Variants in ANO5 observed in about 807,000 individuals in gnomAD.
ANO5 encodes the protein anoctamin-5.
In ANO5, 109 loss-of-function variants were observed where a neutral mutation model predicts 121.0. The observed-to-expected ratio is 0.90, with a 90% CI of 0.77 to 1.06. The LOEUF (loss-of-function observed/expected upper bound fraction) is 1.06, where lower values mean the gene tolerates loss of function less well. Ranked by LOEUF, ANO5 falls within the 50% of genes least tolerant of loss-of-function variation. The pLI is 0.00. For missense variants in ANO5, 1,064 were observed against 1,078.5 expected (o/e 0.99, Z 0.19); for synonymous variants, 406 against 359.9 (o/e 1.13, Z -1.45).
chr11:22,213,407 T>C, intron 3 of ANO5, among the ~76,000 whole-genome samples: 1 of 151,856 alleles, frequency 6.6e-6, no homozygotes, highest in Non-Finnish European at 1.5e-5. Flanking sequence ...TGGTCAGGTA[T>C]TTTGTAGAAT....
At chr11:22,220,769 C>T (rs1852614477) in intron 4 of ANO5, among the ~76,000 whole-genome samples, 1 of 151,888 alleles carries the variant, frequency 6.6e-6, no homozygotes, top group Non-Finnish European at 1.5e-5. Context: ...ATTTAGTGGA[C>T]TAAGTGATAT....
intron 17 of ANO5, among the ~76,000 whole-genome samples, chr11:22,270,011 T>C (rs767170354): frequency 2.6e-5 from 4 of 152,232 alleles, no homozygotes; most frequent in African/African-American, 4.8e-5. Context: ...GTCTTAGTGG[T>C]AACTCTCTCC....
chr11:22,271,034 T>C (rs1022098999), intron 18 of ANO5, among the ~76,000 whole-genome samples: 2 of 151,096 alleles, frequency 1.3e-5, no homozygotes, highest in Non-Finnish European at 3.0e-5. Context: ...CTCAAGCAAC[T>C]TTCTCTGTTT....
rs1852098321 is a variant in ANO5 at position 22,205,719 on chromosome 11, C to T, written c.87+1869C>T. Among the ~76,000 whole-genome samples, 3 of 152,008 alleles carry T rather than the reference C, an allele frequency of 2.0e-5. No individual in the cohort carries two copies. The South Asian group carries it at 6.2e-4, about 32-fold the overall frequency. On this transcript the variant is annotated intron_variant, in intron 2 of 21. Transcript: ENST00000324559. ...TACATAAAATTGACAAACCTTTAGC[C>T]AGACTGGCAGAAAGGGAGTTGCGCT...
At chr11:22,237,082 G>T (rs1853247699) in intron 8 of ANO5, among the ~76,000 whole-genome samples, 2 of 152,254 alleles carry the variant, frequency 1.3e-5, no homozygotes, top group South Asian at 4.1e-4. Flanking sequence ...TCCTGGGGCT[G>T]AATGTGTACA....
In ANO5 at chr11:22,241,233, A is replaced by G. The variant is rs994127390; in HGVS notation, c.878+1549A>G. 2.4e-3 allele frequency among the ~76,000 whole-genome samples: 16 copies of G among 6,554 alleles called. No individual in the cohort carries two copies. In the African/African-American group the frequency reaches 0.043, roughly 18 times the overall value. 4.3% of individuals were successfully genotyped at this position (6,554 alleles called of 152,430 possible). A position where few individuals can be genotyped will look rare whatever the true frequency, so the allele number is the denominator to read the frequency against. ...TCATCCTTATGTCTATGTGTATTCA[A>G]TATTTAGTTCCCACTTACAAGTGGT... On this transcript the variant is annotated intron_variant, in intron 9 of 21. Transcript: ENST00000324559.
intron 5 of ANO5, 102 bp downstream of exon 5, chr11:22,221,312 G>A: frequency 2.0e-6 from 2 of 1,022,342 alleles, no homozygotes; most frequent in African/African-American, 1.6e-5. Flanking sequence ...GAGAGGCCCT[G>A]AAGTGTTACT....
At chr11:22,269,606 C>A (rs1233471236) in intron 17 of ANO5, among the ~76,000 whole-genome samples, 1 of 151,244 alleles carries the variant, frequency 6.6e-6, no homozygotes. Context: ...AGAGTTTGCC[C>A]TAGGATTTTA....
chr11:22,218,428 T>TC, intron 4 of ANO5, 141 bp downstream of exon 4: 5 of 1,087,504 alleles, frequency 4.6e-6, no homozygotes, highest in Non-Finnish European at 6.9e-6. Context: ...AGTTTAAGAA[T>TC]AGTGATTCTT....
intron 21 of ANO5, among the ~76,000 whole-genome samples, chr11:22,276,632 C>A (rs1212764075): frequency 2.0e-5 from 3 of 151,664 alleles, no homozygotes; most frequent in Admixed American, 1.3e-4. Context: ...AACATTAGCG[C>A]TGAGTCTCAA....
chr11:22,225,187 GTGGTTC>G (rs1852782867), intron 5 of ANO5, among the ~76,000 whole-genome samples: 2 of 152,096 alleles, frequency 1.3e-5, no homozygotes, highest in African/African-American at 4.8e-5. Context: ...AGCTGGGTGG[GTGGTTC>G]ACACCTATAA....
Position 22,250,991 on chromosome 11 carries a change from C to G in ANO5, c.1160C>G (p.Ala387Gly). The change falls in exon 12 of 22, where the codon GCA becomes GGA. Residue 387 changes from alanine to glycine, a missense_variant. Coordinates refer to ENST00000324559, the MANE Select transcript of ANO5 (RefSeq NM_213599.3). The part of the protein sequence containing the change: ...LFDNESTVFF[A>G]IFMGIWVTLF... ...GATAATGAGTCAACAGTGTTCTTTG[C>G]AATATTCATGGGAATTTGGGGTGAG... The G allele has an allele frequency of 6.2e-7, 1 of 1,611,748 alleles. No homozygotes were observed. Among genetic ancestry groups the G allele is most frequent in the Non-Finnish European group, 8.5e-7 (1 of 1,179,296 alleles).
At chr11:22,269,147 G>A (rs1854482170) in intron 17 of ANO5, among the ~76,000 whole-genome samples, 1 of 147,986 alleles carries the variant, frequency 6.8e-6, no homozygotes, top group Non-Finnish European at 1.5e-5. Flanking sequence ...AAGGGAGAAA[G>A]GAAAGGAAAG....
chr11:22,208,851 T>A (rs936923962), intron 2 of ANO5, among the ~76,000 whole-genome samples: 3 of 151,988 alleles, frequency 2.0e-5, no homozygotes, highest in Non-Finnish European at 4.4e-5. Flanking sequence ...TTCACTTTCC[T>A]CAATGCTAAA....
intron 14 of ANO5, among the ~76,000 whole-genome samples, chr11:22,258,203 G>A (rs1854066996): frequency 6.6e-6 from 1 of 152,080 alleles, no homozygotes; most frequent in African/African-American, 2.4e-5. Flanking sequence ...CTTCTAAGAG[G>A]TTAGTTAGCA....
intron 3 of ANO5, among the ~76,000 whole-genome samples, chr11:22,215,890 G>T (rs961884230): frequency 1.3e-5 from 2 of 151,792 alleles, no homozygotes; most frequent in African/African-American, 4.8e-5. Context: ...GAATTTTACA[G>T]TATACACTAT....
intron 12 of ANO5, among the ~76,000 whole-genome samples, chr11:22,251,698 C>T (rs1853820886): frequency 6.6e-6 from 1 of 152,018 alleles, no homozygotes. Flanking sequence ...AGTTAAAAAA[C>T]ACCTCTAACA....
intron 7 of ANO5, among the ~76,000 whole-genome samples, chr11:22,230,762 A>G (rs1478583445): frequency 6.6e-6 from 1 of 151,884 alleles, no homozygotes; most frequent in East Asian, 1.9e-4. Flanking sequence ...CAGCACCTCC[A>G]TTCAGGCATC....
chr11:22,194,414 T>A (rs1021320588), intron 1 of ANO5, among the ~76,000 whole-genome samples: 1 of 152,262 alleles, frequency 6.6e-6, no homozygotes, highest in Admixed American at 6.5e-5. Context: ...CGTGTGTTAC[T>A]GCATCCTCCT....
Sources: allele counts gnomAD v4.1 joint callset (sites outside exome capture counted in the v4.1 genomes callset), GRCh38; gene constraint gnomAD v4.1.1; transcripts MANE v1.5; gene names NCBI Gene and HGNC (gene_info 2026-07-23, HGNC 2026-07-21).